Variants in RPS6KC1 observed in about 807,000 individuals in gnomAD.
RPS6KC1 encodes inactive ribosomal protein S6 kinase delta-1.
Under a neutral mutation model 103.8 loss-of-function variants are expected in RPS6KC1, and 54 were observed. The ratio of observed to expected loss-of-function variants is 0.52; its 90% confidence interval spans 0.42 to 0.65. The LOEUF (loss-of-function observed/expected upper bound fraction) is 0.65. Ranked by LOEUF, RPS6KC1 falls within the 30% of genes least tolerant of loss-of-function variation. RPS6KC1 has a pLI of 0.00. For synonymous variants in RPS6KC1, 439 were observed against 438.7 expected (o/e 1.00, Z -0.01); for missense variants, 1,151 against 1,253.8 (o/e 0.92, Z 1.24).
the RPS6KC1 span, among the ~76,000 whole-genome samples, chr1:213,791,729 AC>A: frequency 3.3e-5 from 5 of 152,192 alleles, no homozygotes; most frequent in Admixed American, 6.5e-5. Flanking sequence ...TAGCTTCATA[AC>A]ATCCCTATGA....
chr1:213,690,498 C>T, the RPS6KC1 span, among the ~76,000 whole-genome samples: 7 of 152,274 alleles, frequency 4.6e-5, no homozygotes, highest in Non-Finnish European at 1.0e-4. Context: ...GTAATATCAT[C>T]ACCAAGTTTA....
the RPS6KC1 span, among the ~76,000 whole-genome samples, chr1:213,602,682 T>C: frequency 6.6e-6 from 1 of 152,208 alleles, no homozygotes; most frequent in Non-Finnish European, 1.5e-5. Flanking sequence ...GGTCATGACC[T>C]GAGGCTCAGA....
At chr1:213,234,507 G>T (rs1275378913) in intron 10 of RPS6KC1, among the ~76,000 whole-genome samples, 1 of 152,120 alleles carries the variant, frequency 6.6e-6, no homozygotes, top group African/African-American at 2.4e-5. Context: ...AATGGCAAAA[G>T]AAACAATCAT....
chr1:213,801,031 C>T, the RPS6KC1 span, among the ~76,000 whole-genome samples: 2 of 152,192 alleles, frequency 1.3e-5, no homozygotes, highest in South Asian at 4.1e-4. Flanking sequence ...GGGATCTCTG[C>T]AGCCTCAGCC....
chr1:213,848,268 A>G, the RPS6KC1 span, among the ~76,000 whole-genome samples: 3 of 152,208 alleles, frequency 2.0e-5, no homozygotes, highest in East Asian at 5.8e-4. Flanking sequence ...AAAATACCCC[A>G]AAATTCATGT....
the RPS6KC1 span, among the ~76,000 whole-genome samples, chr1:213,861,033 C>T: frequency 3.8e-4 from 58 of 151,994 alleles, no homozygotes; most frequent in South Asian, 7.5e-3. Flanking sequence ...GGTCTCAAAC[C>T]CCTGGCCTCA....
chr1:213,676,066 A>G, the RPS6KC1 span, among the ~76,000 whole-genome samples: 1 of 152,302 alleles, frequency 6.6e-6, no homozygotes, highest in African/African-American at 2.4e-5. Context: ...CTCCAGCTAT[A>G]TTGAAACACA....
the RPS6KC1 span, among the ~76,000 whole-genome samples, chr1:213,724,440 C>G: frequency 6.6e-6 from 1 of 152,168 alleles, no homozygotes; most frequent in African/African-American, 2.4e-5. Context: ...TTTTCCCTCC[C>G]TATCCTGGTC....
intron 14 of RPS6KC1, among the ~76,000 whole-genome samples, chr1:213,263,591 G>A (rs1176992087): frequency 1.3e-5 from 2 of 151,918 alleles, no homozygotes; most frequent in Non-Finnish European, 2.9e-5. Flanking sequence ...CTAAAATTAT[G>A]TAATGAAACA....
At chr1:213,557,182 T>G in the RPS6KC1 span, among the ~76,000 whole-genome samples, 20 of 152,162 alleles carry the variant, frequency 1.3e-4, no homozygotes, top group Non-Finnish European at 2.6e-4. Flanking sequence ...CTATGCAAGG[T>G]GAGGCATCCA....
chr1:213,422,555 G>C, the RPS6KC1 span, among the ~76,000 whole-genome samples: 7,291 of 152,246 alleles, frequency 0.048, 198 homozygotes, highest in Middle Eastern at 0.061. Flanking sequence ...TGTATTCTAA[G>C]GGTTGATTAT....
At chr1:213,343,440 T>TATACACACATATACAC in the RPS6KC1 span, among the ~76,000 whole-genome samples, 1 of 80,382 alleles carries the variant, frequency 1.2e-5, no homozygotes, top group African/African-American at 5.0e-5. Flanking sequence ...TATATATATA[T>TATACACACATATACAC]ACATACCATG....
intron 7 of RPS6KC1, among the ~76,000 whole-genome samples, chr1:213,173,395 T>C (rs1483667230): frequency 3.3e-5 from 5 of 152,206 alleles, no homozygotes; most frequent in Non-Finnish European, 7.3e-5. Flanking sequence ...AAATCACTGT[T>C]TTCATTGGGT....
intron 13 of RPS6KC1, 27 bp downstream of exon 13, chr1:213,261,667 A>G: frequency 6.3e-7 from 1 of 1,581,628 alleles, no homozygotes; most frequent in Admixed American, 1.7e-5. Context: ...ACGTTTAATA[A>G]ATTTACTCAG....
chr1:213,611,639 G>C, the RPS6KC1 span, among the ~76,000 whole-genome samples: 1 of 152,212 alleles, frequency 6.6e-6, no homozygotes, highest in Admixed American at 6.5e-5. Flanking sequence ...GGACTTCTCA[G>C]AGCCTTGGGT....
chr1:213,399,376 C>G, the RPS6KC1 span, among the ~76,000 whole-genome samples: 2 of 152,136 alleles, frequency 1.3e-5, no homozygotes, highest in Non-Finnish European at 2.9e-5. Context: ...AGCTAGCAGA[C>G]AAGTGTAGAG....
At chr1:213,137,777 C>CTCTCTCTCTCTCTCTCTCTATA (rs1387641875) in intron 6 of RPS6KC1, among the ~76,000 whole-genome samples, 2 of 63,586 alleles carry the variant, frequency 3.1e-5, no homozygotes, top group African/African-American at 2.1e-4. Context: ...CTCTCTCTCT[C>CTCTCTCTCTCTCTCTCTCTATA]TATATATATA....
chr1:213,160,655 G>A (rs1343926844), intron 6 of RPS6KC1, among the ~76,000 whole-genome samples: 2 of 130,904 alleles, frequency 1.5e-5, no homozygotes, highest in Non-Finnish European at 3.3e-5. Context: ...ATACAACATG[G>A]AATACTATGC....
chr1:213,412,072 C>T, the RPS6KC1 span, among the ~76,000 whole-genome samples: 3 of 152,202 alleles, frequency 2.0e-5, no homozygotes, highest in African/African-American at 7.2e-5. Context: ...CTACAACCAA[C>T]CACCTCTGGA....
Sources: gnomAD v4.1 joint callset for allele counts (sites outside exome capture counted in the v4.1 genomes callset) on GRCh38, gnomAD v4.1.1 for gene constraint, MANE v1.5 for transcripts, NCBI Gene and HGNC (gene_info 2026-07-23, HGNC 2026-07-21) for gene names.